AGTPBP1: variants seen among roughly 807,000 people sequenced by gnomAD.
AGTPBP1 encodes cytosolic carboxypeptidase 1.
Under a neutral mutation model 143.9 loss-of-function variants are expected in AGTPBP1, and 70 were observed. The ratio of observed to expected loss-of-function variants is 0.49; its 90% CI spans 0.40 to 0.59. The LOEUF (loss-of-function observed/expected upper bound fraction) is 0.59, where lower values mean the gene tolerates loss of function less well. Among genes scored for constraint, AGTPBP1 ranks in the 20% least tolerant of loss-of-function variants. AGTPBP1 has a pLI of 0.00. For missense variants in AGTPBP1, 1,229 were observed against 1,464.5 expected (o/e 0.84, Z 2.62); for synonymous variants, 463 against 500.2 (o/e 0.93, Z 0.99).
chr9:85,602,256 AAC>A (rs1370829235), intron 17 of AGTPBP1, among the ~76,000 whole-genome samples: 7 of 152,186 alleles, frequency 4.6e-5, no homozygotes, highest in Admixed American at 2.6e-4. Context: ...AAATCAGAAA[AAC>A]AATTCAGATG....
chr9:85,761,307 C>A, the AGTPBP1 span, among the ~76,000 whole-genome samples: 1 of 152,202 alleles, frequency 6.6e-6, no homozygotes, highest in African/African-American at 2.4e-5. Context: ...AAAGAGCCCA[C>A]ATTGCCAAGA....
At chr9:85,688,096 TAAAAAAAAAAAA>T (rs58523894) in intron 3 of AGTPBP1, among the ~76,000 whole-genome samples, 21 of 34,716 alleles carry the variant, frequency 6.0e-4, no homozygotes, top group African/African-American at 2.7e-3. Flanking sequence ...GTCTCAAAAT[TAAAAAAAAAAAA>T]AAAAAAAAAA....
rs1828828804 is a variant in AGTPBP1 at position 85,589,604 on chromosome 9, C to G, written c.2646G>C (p.Leu882=). The G allele has an allele frequency of 6.2e-7, 1 of 1,613,694 alleles. No individual in the cohort carries two copies. Among genetic ancestry groups the G allele is most frequent in the Non-Finnish European group, 8.5e-7 (1 of 1,179,706 alleles). The change falls in exon 20 of 26, where the codon CTG becomes CTC. Residue 882 remains leucine (L), a synonymous_variant. Transcript: ENST00000357081. ...TCACCAAGGGGCAGCTGTTTCCAGA[C>G]AGGGTTTCACATAACACATCTTTCC... ...YFRKDVLCET[L]SGNSCPLVTI...
At chr9:85,657,725 TC>T in intron 9 of AGTPBP1, 82 bp from the exon 10 acceptor site, 5 of 946,802 alleles carry the variant, frequency 5.3e-6, no homozygotes, top group Non-Finnish European at 7.8e-6. Context: ...AAATATTACC[TC>T]AATATTGTGA....
chr9:85,727,619 G>C (rs111320225), intron 1 of AGTPBP1, among the ~76,000 whole-genome samples: 17 of 152,268 alleles, frequency 1.1e-4, no homozygotes, highest in African/African-American at 4.1e-4. Flanking sequence ...AAACACAGCA[G>C]ACCAGATTTT....
the AGTPBP1 span, among the ~76,000 whole-genome samples, chr9:85,784,074 T>C: frequency 6.6e-6 from 1 of 152,380 alleles, no homozygotes; most frequent in East Asian, 1.9e-4. Flanking sequence ...ATATGTTTTC[T>C]AACATGAGGA....
chr9:85,557,465 G>T (rs1826424713), intron 25 of AGTPBP1, among the ~76,000 whole-genome samples: 1 of 152,078 alleles, frequency 6.6e-6, no homozygotes, highest in Admixed American at 6.5e-5. Context: ...CCAATTACAT[G>T]ACTTATCTGC....
intron 17 of AGTPBP1, 99 bp from the exon 18 acceptor site, chr9:85,596,548 A>G: frequency 1.4e-6 from 1 of 733,348 alleles, no homozygotes; most frequent in Non-Finnish European, 2.1e-6. Context: ...TCAGGAAAGC[A>G]GAAGTAAATT....
intron 8 of AGTPBP1, among the ~76,000 whole-genome samples, chr9:85,661,960 G>A (rs1382390498): frequency 2.6e-5 from 4 of 152,022 alleles, no homozygotes; most frequent in Non-Finnish European, 5.9e-5. Flanking sequence ...TATAAAATTA[G>A]AAAACAAACT....
chr9:85,588,898 CAT>C lies in AGTPBP1; in HGVS notation c.2723-422_2723-421del, dbSNP rs1408864931. ...CCTGTCTTACAGTTGCTCTGATAAG[CAT>C]AGAGAAACAAGTTTATCTGCTCAGA... On this transcript the variant is annotated intron_variant, in intron 20 of 25. Transcript: ENST00000357081. 5.9e-4 allele frequency among the ~76,000 whole-genome samples: 89 copies of C among 152,080 alleles called. 1 individual carries two copies. The highest frequency in any genetic ancestry group is 1.3e-4 in the Non-Finnish European group (9 of 67,940).
the AGTPBP1 span, among the ~76,000 whole-genome samples, chr9:85,779,200 GATAT>G: frequency 1.3e-5 from 1 of 77,438 alleles, no homozygotes; most frequent in African/African-American, 5.0e-5. Flanking sequence ...TATAGATATA[GATAT>G]AGATATAGAT....
At chr9:85,758,097 C>T in the AGTPBP1 span, among the ~76,000 whole-genome samples, 1 of 151,768 alleles carries the variant, frequency 6.6e-6, no homozygotes, top group Admixed American at 6.6e-5. Flanking sequence ...AAGTGGCCCA[C>T]ATATATGCTG....
chr9:85,718,186 T>C (rs889211787), intron 1 of AGTPBP1, among the ~76,000 whole-genome samples: 2 of 152,214 alleles, frequency 1.3e-5, no homozygotes, highest in Non-Finnish European at 2.9e-5. Context: ...TCTGAGTATA[T>C]ACCCAGTAAT....
chr9:85,759,489 A>G, the AGTPBP1 span, among the ~76,000 whole-genome samples: 1 of 152,046 alleles, frequency 6.6e-6, no homozygotes, highest in Non-Finnish European at 1.5e-5. Context: ...GCTCAACTAC[A>G]TGGAAACTGA....
intron 1 of AGTPBP1, among the ~76,000 whole-genome samples, chr9:85,717,266 G>A (rs1225893735): frequency 6.6e-6 from 1 of 152,186 alleles, no homozygotes; most frequent in Admixed American, 6.5e-5. Flanking sequence ...CACTTTGGGA[G>A]GCCCAGGTGG....
chr9:85,634,447 T>C (rs1463916934), intron 13 of AGTPBP1, among the ~76,000 whole-genome samples: 1 of 152,042 alleles, frequency 6.6e-6, no homozygotes, highest in Non-Finnish European at 1.5e-5. Flanking sequence ...ATGGGATAGC[T>C]GGGAAAGAAT....
intron 25 of AGTPBP1, among the ~76,000 whole-genome samples, chr9:85,552,287 A>AAAGGG (rs1826081286): frequency 6.6e-6 from 1 of 152,192 alleles, no homozygotes; most frequent in African/African-American, 2.4e-5. Flanking sequence ...AGAGAACAAA[A>AAAGGG]AATGTTTACT....
At chr9:85,774,894 A>G in the AGTPBP1 span, among the ~76,000 whole-genome samples, 15 of 152,370 alleles carry the variant, frequency 9.8e-5, no homozygotes, top group Admixed American at 3.9e-4. Context: ...CTCACACATC[A>G]TTACATTCAA....
chr9:85,665,976 A>G (rs1236920883), intron 8 of AGTPBP1, among the ~76,000 whole-genome samples: 1 of 152,136 alleles, frequency 6.6e-6, no homozygotes, highest in Admixed American at 6.6e-5. Flanking sequence ...AAAATGTTAG[A>G]TTTATTGAAA....
Sources: allele counts gnomAD v4.1 joint callset (sites outside exome capture counted in the v4.1 genomes callset), GRCh38; gene constraint gnomAD v4.1.1; transcripts MANE v1.5; gene names NCBI Gene and HGNC (gene_info 2026-07-23, HGNC 2026-07-21).